The following GPC6 variants were observed in gnomAD, a reference collection of about 807,000 sequenced individuals.
GPC6 encodes the protein glypican-6.
GPC6 carries 14 observed loss-of-function variants against 55.2 expected under a neutral mutation model. The ratio of observed to expected loss-of-function variants is 0.25; its 90% CI spans 0.17 to 0.40. The LOEUF is 0.40. Ranked by LOEUF, GPC6 falls within the 10% of genes least tolerant of loss-of-function variation. The probability of loss-of-function intolerance (pLI) is 1.00; values close to 1 mark genes in which losing one functional copy is unlikely to be tolerated. For synonymous variants in GPC6, 278 were observed against 259.6 expected (o/e 1.07, Z -0.68); for missense variants, 641 against 708.5 (o/e 0.90, Z 1.08).
At chr13:94,065,105 T>C (rs1308429074) in intron 4 of GPC6, among the ~76,000 whole-genome samples, 3 of 152,242 alleles carry the variant, frequency 2.0e-5, no homozygotes, top group African/African-American at 4.8e-5. Flanking sequence ...CCATTTTTTT[T>C]TTGTGATGTG....
intron 4 of GPC6, among the ~76,000 whole-genome samples, chr13:94,195,317 T>C (rs1889536749): frequency 6.6e-6 from 1 of 152,078 alleles, no homozygotes; most frequent in Non-Finnish European, 1.5e-5. Context: ...GGCATGGAAA[T>C]TGGTTTGAAA....
chr13:94,371,559 G>A (rs1415649354), intron 6 of GPC6, among the ~76,000 whole-genome samples: 1 of 152,176 alleles, frequency 6.6e-6, no homozygotes, highest in Non-Finnish European at 1.5e-5. Flanking sequence ...CGTCAGAGTT[G>A]TGAAGATCGA....
chr13:93,374,938 G>A (rs1412960952), intron 1 of GPC6, among the ~76,000 whole-genome samples: 1 of 151,954 alleles, frequency 6.6e-6, no homozygotes, highest in Non-Finnish European at 1.5e-5. Context: ...TAATGCCTTT[G>A]GTCTTTGATT....
intron 2 of GPC6, among the ~76,000 whole-genome samples, chr13:93,599,148 T>C (rs182211878): frequency 2.0e-4 from 31 of 152,318 alleles, no homozygotes; most frequent in Admixed American, 9.8e-4. Flanking sequence ...GAAAAGTTCC[T>C]TGATACCTTC....
chr13:93,510,058 A>G (rs956518261), intron 1 of GPC6, among the ~76,000 whole-genome samples: 1 of 151,890 alleles, frequency 6.6e-6, no homozygotes, highest in African/African-American at 2.4e-5. Flanking sequence ...TCTCTTCAGC[A>G]CTCCTGAAAT....
intron 2 of GPC6, among the ~76,000 whole-genome samples, chr13:93,637,158 G>A (rs1201505739): frequency 6.6e-6 from 1 of 151,996 alleles, no homozygotes; most frequent in African/African-American, 2.4e-5. Flanking sequence ...AAAGACTATT[G>A]GGTTCATAGC....
chr13:94,130,555 A>G (rs1259850363), intron 4 of GPC6, among the ~76,000 whole-genome samples: 1 of 152,144 alleles, frequency 6.6e-6, no homozygotes, highest in East Asian at 1.9e-4. Context: ...GGAAAGGAGA[A>G]TGGGACCAAG....
At chr13:94,094,810 A>G (rs1885605908) in intron 4 of GPC6, among the ~76,000 whole-genome samples, 1 of 114,552 alleles carries the variant, frequency 8.7e-6, no homozygotes, top group Non-Finnish European at 1.9e-5. Context: ...TTCTAGTGTA[A>G]TCATTTAATA....
At chr13:94,187,552 C>T (rs190735871) in intron 4 of GPC6, among the ~76,000 whole-genome samples, 1 of 152,082 alleles carries the variant, frequency 6.6e-6, no homozygotes, top group East Asian at 1.9e-4. Context: ...AATCCAACAT[C>T]CCCCAAATTT....
chr13:93,722,036 T>A (rs1219079803), intron 2 of GPC6, among the ~76,000 whole-genome samples: 1 of 151,848 alleles, frequency 6.6e-6, no homozygotes. Context: ...TTTTTGACAA[T>A]ATACAGCAGA....
At chr13:93,230,191 T>C (rs1198131466) in intron 1 of GPC6, among the ~76,000 whole-genome samples, 1 of 152,212 alleles carries the variant, frequency 6.6e-6, no homozygotes, top group African/African-American at 2.4e-5. Context: ...CTGTTTCTAA[T>C]TGAAAGCTAT....
intron 4 of GPC6, among the ~76,000 whole-genome samples, chr13:94,143,479 C>T (rs898848459): frequency 6.6e-6 from 1 of 152,136 alleles, no homozygotes; most frequent in East Asian, 1.9e-4. Flanking sequence ...TTTTTTGTCA[C>T]TCTTTAGAAT....
intron 3 of GPC6, among the ~76,000 whole-genome samples, chr13:93,874,289 G>A (rs1000065063): frequency 5.9e-5 from 9 of 151,812 alleles, no homozygotes; most frequent in South Asian, 4.2e-4. Context: ...TTATAAGTGA[G>A]AACATGCACT....
chr13:93,952,751 G>A (rs1039092341), intron 3 of GPC6, among the ~76,000 whole-genome samples: 10 of 150,166 alleles, frequency 6.7e-5, no homozygotes, highest in African/African-American at 1.2e-4. Context: ...GTGTATGTGC[G>A]TGTGACGTGT....
chr13:93,580,926 A>G (rs60069423), intron 2 of GPC6, among the ~76,000 whole-genome samples: 9,495 of 152,222 alleles, frequency 0.062, 947 homozygotes, highest in African/African-American at 0.21. Context: ...ATAGCTTACC[A>G]TATAATTAAA....
chr13:93,260,669 A>C (rs1877113928), intron 1 of GPC6, among the ~76,000 whole-genome samples: 1 of 152,122 alleles, frequency 6.6e-6, no homozygotes. Context: ...AATCAAAGGC[A>C]AGATTTACAA....
At chr13:93,912,674 C>T (rs1204802083) in intron 3 of GPC6, among the ~76,000 whole-genome samples, 6 of 152,240 alleles carry the variant, frequency 3.9e-5, no homozygotes, top group Admixed American at 2.6e-4. Context: ...ACCCAGGAGG[C>T]AGAGCTTGCA....
At chr13:93,877,116 T>TA (rs1427541311) in intron 3 of GPC6, among the ~76,000 whole-genome samples, 1 of 152,080 alleles carries the variant, frequency 6.6e-6, no homozygotes, top group Non-Finnish European at 1.5e-5. Context: ...GCAGTAGAAA[T>TA]ATATCAGCTA....
intron 4 of GPC6, among the ~76,000 whole-genome samples, chr13:94,094,822 A>G (rs569229301): frequency 1.1e-4 from 11 of 99,334 alleles, no homozygotes; most frequent in Middle Eastern, 5.5e-3. Flanking sequence ...CATTTAATAA[A>G]GACTCATAGA....
Sources: gnomAD v4.1 joint callset for allele counts (sites outside exome capture counted in the v4.1 genomes callset) on GRCh38, gnomAD v4.1.1 for gene constraint, MANE v1.5 for transcripts, NCBI Gene and HGNC (gene_info 2026-07-23, HGNC 2026-07-21) for gene names.